B4GALT1: variants seen among roughly 807,000 people sequenced by gnomAD.
B4GALT1 encodes the protein N-acetyllactosamine synthase.
A neutral mutation model predicts 34.9 loss-of-function variants in B4GALT1; 16 were observed. That is an observed-to-expected ratio of 0.46 (90% CI 0.31 to 0.70). The LOEUF (loss-of-function observed/expected upper bound fraction) is 0.70, where lower values mean the gene tolerates loss of function less well. B4GALT1 is among the 30% of genes least tolerant of loss of function. B4GALT1 has a pLI of 0.05. For missense variants in B4GALT1, 445 were observed against 530.5 expected, an observed-to-expected ratio of 0.84 and a Z score of 1.58; for synonymous variants, 221 against 218.1, an observed-to-expected ratio of 1.01 and a Z score of -0.12.
intron 5 of B4GALT1, 66 bp from the exon 6 acceptor site, chr9:33,113,652 T>G (rs186324835): frequency 1.1e-5 from 17 of 1,610,786 alleles, no homozygotes; most frequent in Non-Finnish European, 1.4e-5. Context: ...TCATCACACG[T>G]ACTTCCTCCT....
chr9:33,122,492 G>A (rs943892420), intron 2 of B4GALT1, among the ~76,000 whole-genome samples: 1 of 151,000 alleles, frequency 6.6e-6, no homozygotes, highest in Non-Finnish European at 1.5e-5. Context: ...GGGCGGCAGA[G>A]TGAGACCCCC....
intron 3 of B4GALT1, among the ~76,000 whole-genome samples, chr9:33,119,835 C>T (rs1839994476): frequency 6.6e-6 from 1 of 152,108 alleles, no homozygotes; most frequent in South Asian, 2.1e-4. Flanking sequence ...AAGAAAAAAG[C>T]AAGAAAATAC....
chr9:33,172,876 A>C, the B4GALT1 span, among the ~76,000 whole-genome samples: 12 of 151,520 alleles, frequency 7.9e-5, no homozygotes, highest in Admixed American at 7.2e-4. Context: ...GTTGAGCAAC[A>C]TAAGAGTCCA....
intron 1 of B4GALT1, among the ~76,000 whole-genome samples, chr9:33,143,564 G>C (rs144461775): frequency 5.9e-5 from 9 of 152,368 alleles, no homozygotes; most frequent in South Asian, 2.1e-4. Flanking sequence ...AGGTTCTTGA[G>C]TCCTACTCAC....
chr9:33,168,569 A>G (rs1023328391), upstream of B4GALT1, among the ~76,000 whole-genome samples: 2 of 152,224 alleles, frequency 1.3e-5, no homozygotes, highest in African/African-American at 4.8e-5. Flanking sequence ...ATGAGTTGAC[A>G]CTTTGGTTGT....
the B4GALT1 span, among the ~76,000 whole-genome samples, chr9:33,184,577 C>CAGG: frequency 6.6e-6 from 1 of 152,186 alleles, no homozygotes; most frequent in South Asian, 2.1e-4. Flanking sequence ...GAACCTCCTC[C>CAGG]AGGTGCTCAC....
intron 1 of B4GALT1, among the ~76,000 whole-genome samples, chr9:33,147,338 C>T (rs1053207305): frequency 4.6e-5 from 7 of 151,600 alleles, no homozygotes; most frequent in East Asian, 1.9e-4. Flanking sequence ...CAACCTCCCC[C>T]TCAGGTTCAA....
At chr9:33,120,295 T>C (rs2118053897) in intron 3 of B4GALT1, 124 bp downstream of exon 3, 3 of 1,079,270 alleles carry the variant, frequency 2.8e-6, no homozygotes, top group Non-Finnish European at 4.2e-6. Context: ...AAAGCACCCA[T>C]TTCTCAGAGG....
the B4GALT1 span, among the ~76,000 whole-genome samples, chr9:33,173,646 G>C: frequency 6.8e-6 from 1 of 146,756 alleles, no homozygotes; most frequent in Non-Finnish European, 1.5e-5. Context: ...TCTGGGAGCA[G>C]AAATTTCCCA....
chr9:33,153,405 GAACA>G (rs768816729), intron 1 of B4GALT1, among the ~76,000 whole-genome samples: 2 of 152,006 alleles, frequency 1.3e-5, no homozygotes, highest in Non-Finnish European at 2.9e-5. Context: ...AGAAAAATAA[GAACA>G]AAGAGAACAA....
At chr9:33,150,973 A>AGAAG (rs3837267) in intron 1 of B4GALT1, among the ~76,000 whole-genome samples, 7 of 151,774 alleles carry the variant, frequency 4.6e-5, no homozygotes, top group African/African-American at 1.4e-4. Flanking sequence ...CTGGATGGAA[A>AGAAG]GAAGGAAGGA....
At chr9:33,149,287 CT>C (rs1280299030) in intron 1 of B4GALT1, among the ~76,000 whole-genome samples, 49 of 146,424 alleles carry the variant, frequency 3.3e-4, no homozygotes, top group Admixed American at 3.4e-4. Context: ...TATTTATTTA[CT>C]TTTTTTTTTT....
intron 1 of B4GALT1, among the ~76,000 whole-genome samples, chr9:33,147,199 A>AAT (rs1840439568): frequency 6.6e-6 from 1 of 152,048 alleles, no homozygotes; most frequent in South Asian, 2.1e-4. Flanking sequence ...ATACAAGAAT[A>AAT]ATATTTGTAT....
chr9:33,158,259 A>G (rs1454895249), intron 1 of B4GALT1, among the ~76,000 whole-genome samples: 1 of 152,212 alleles, frequency 6.6e-6, no homozygotes, highest in African/African-American at 2.4e-5. Context: ...GATGTAATGA[A>G]TTAGAAAAAG....
At chr9:33,165,697 T>C (rs1360995221) in intron 1 of B4GALT1, among the ~76,000 whole-genome samples, 1 of 152,168 alleles carries the variant, frequency 6.6e-6, no homozygotes, top group Non-Finnish European at 1.5e-5. Flanking sequence ...AACAATTATC[T>C]AAAACCTAGC....
intron 1 of B4GALT1, among the ~76,000 whole-genome samples, chr9:33,148,379 G>A (rs1840459682): frequency 6.6e-6 from 1 of 152,318 alleles, no homozygotes; most frequent in East Asian, 1.9e-4. Flanking sequence ...AGCCTGTCAT[G>A]CTCTGCTGGT....
At chr9:33,164,676 C>T (rs62544388) in intron 1 of B4GALT1, among the ~76,000 whole-genome samples, 6,144 of 152,324 alleles carry the variant, frequency 0.04, 158 homozygotes, top group Non-Finnish European at 0.062. Flanking sequence ...TGGTCACGAC[C>T]TTGTCTCTTA....
Position 33,167,242 on chromosome 9 carries a change from G to A in B4GALT1, c.-73C>T. On this transcript the variant is annotated 5_prime_UTR_variant, in exon 1 of 6. Coordinates refer to ENST00000379731, the MANE Select transcript of B4GALT1 (RefSeq NM_001497.4). ...GACCCGCCCGCGGGCCGCCCGCCAG[G>A]CGCTGCCCCACAGCGGCGACTAGGG... The A allele has an allele frequency of 1.4e-6, 2 of 1,443,042 alleles. No individual in the cohort carries two copies. The highest frequency in any genetic ancestry group is 1.8e-6 in the Non-Finnish European group (2 of 1,103,424). 89.4% of individuals were successfully genotyped at this position (1,443,042 alleles called of 1,614,324 possible). A position where few individuals can be genotyped will look rare whatever the true frequency, so the allele number is the denominator to read the frequency against.
At chr9:33,126,660 G>GT in intron 2 of B4GALT1, among the ~76,000 whole-genome samples, 48 of 150,272 alleles carry the variant, frequency 3.2e-4, no homozygotes, top group South Asian at 4.2e-4. Flanking sequence ...GTTAACCATA[G>GT]CAATATGGTA....
Sources: allele counts gnomAD v4.1 joint callset (sites outside exome capture counted in the v4.1 genomes callset), GRCh38; gene constraint gnomAD v4.1.1; transcripts MANE v1.5; gene names NCBI Gene and HGNC (gene_info 2026-07-23, HGNC 2026-07-21).